Variants in RBBP8 observed in about 807,000 individuals in gnomAD.
RBBP8 encodes RB binding protein 8, endonuclease.
Under a neutral mutation model 108.3 loss-of-function variants are expected in RBBP8, and 88 were observed. That is an observed-to-expected ratio of 0.81 (90% CI 0.68 to 0.97). The LOEUF is 0.97. RBBP8 is among the 50% of genes least tolerant of loss of function. The pLI, the probability that RBBP8 is intolerant of heterozygous loss-of-function variation, is 0.00. For missense variants in RBBP8, 1,023 were observed against 1,049.0 expected, an observed-to-expected ratio of 0.98 and a Z score of 0.34; for synonymous variants, 332 against 348.2, an observed-to-expected ratio of 0.95 and a Z score of 0.52.
At chr18:23,011,602 A>G (rs1028465655) in intron 16 of RBBP8, among the ~76,000 whole-genome samples, 1 of 151,672 alleles carries the variant, frequency 6.6e-6, no homozygotes, top group Non-Finnish European at 1.5e-5. Flanking sequence ...ACGCCTGGCT[A>G]ATTTTTTTGT....
chr18:22,949,720 C>T lies in RBBP8; in HGVS notation c.248+7C>T, dbSNP rs765469466. On this transcript the variant is annotated splice_region_variant and intron_variant, in intron 4 of 18. Transcript: ENST00000327155. ...TTAAAGTTTTAGAAGATCGGTGAGT[C>T]TGGCACTTAGGTCTTGAGTAAGAAG... The T allele has an allele frequency of 6.3e-7, 1 of 1,586,836 alleles. No individual in the cohort carries two copies. Among genetic ancestry groups the T allele is most frequent in the Admixed American group, 1.7e-5 (1 of 59,976 alleles).
chr18:22,936,842 A>G lies in RBBP8; in HGVS notation c.-10A>G. The G allele has an allele frequency of 1.2e-6, 2 of 1,614,112 alleles. No homozygotes were observed. The highest frequency in any genetic ancestry group is 1.7e-6 in the Non-Finnish European group (2 of 1,179,988). On this transcript the variant is annotated 5_prime_UTR_variant, in exon 2 of 19. It adds an upstream start codon to the 5' untranslated region. Coordinates refer to ENST00000327155, the MANE Select transcript of RBBP8 (RefSeq NM_002894.3). ...TTAAGCAAGTAGAAGTGTGGAGCAT[A>G]TTAAGCAAGATGAACATCTCGGGAA...
At position 22,956,947 on chromosome 18, in the gene RBBP8, G is replaced by A. The variant is rs145629051; in HGVS notation, c.248+7234G>A. 4.1e-4 allele frequency among the ~76,000 whole-genome samples: 62 copies of A among 152,180 alleles called. No homozygotes were observed. The East Asian group carries it at 7.7e-3, about 19-fold the overall frequency. On this transcript the variant is annotated intron_variant, in intron 4 of 18. Coordinates refer to ENST00000327155, the MANE Select transcript of RBBP8 (RefSeq NM_002894.3). Reference sequence around the variant, plus strand: ...ACTGTGCTGGAGAAGTAGATAGAACGCATTTTTTTTGAAAATCTGAACAAA... The same window carrying A: ...ACTGTGCTGGAGAAGTAGATAGAACACATTTTTTTTGAAAATCTGAACAAA...
intron 6 of RBBP8, among the ~76,000 whole-genome samples, chr18:22,976,967 A>G (rs1246969653): frequency 6.6e-6 from 1 of 152,110 alleles, no homozygotes; most frequent in Non-Finnish European, 1.5e-5. Flanking sequence ...TCCTGTTGAA[A>G]TTCAAATTTT....
intron 4 of RBBP8, among the ~76,000 whole-genome samples, chr18:22,958,192 T>G (rs1912752165): frequency 6.6e-6 from 1 of 152,212 alleles, no homozygotes; most frequent in South Asian, 2.1e-4. Flanking sequence ...CTTTTTTGTA[T>G]TTTGTTTATA....
chr18:23,016,604 T>C (rs2046259253), intron 16 of RBBP8, among the ~76,000 whole-genome samples: 1 of 152,184 alleles, frequency 6.6e-6, no homozygotes, highest in Non-Finnish European at 1.5e-5. Flanking sequence ...TACACTGAAT[T>C]TGCAGGTCAC....
intron 3 of RBBP8, chr18:22,920,834 GTAGATCC>G (rs1909566759): frequency 6.6e-6 from 1 of 152,134 alleles, no homozygotes; most frequent in Non-Finnish European, 1.5e-5. Context: ...TCTCTGGTTG[GTAGATCC>G]TAGGAGAGCA....
At chr18:23,020,514 G>A (rs1242058306) in intron 17 of RBBP8, among the ~76,000 whole-genome samples, 1 of 151,980 alleles carries the variant, frequency 6.6e-6, no homozygotes, top group Non-Finnish European at 1.5e-5. Flanking sequence ...CAGTTCCCAT[G>A]TACCTCTGTC....
At chr18:22,932,962 A>C (rs1294557756), upstream of RBBP8, among the ~76,000 whole-genome samples, 1 of 152,240 alleles carries the variant, frequency 6.6e-6, no homozygotes, top group East Asian at 1.9e-4. Context: ...AAACTATGTT[A>C]GACGGATCCG....
At position 22,982,304 on chromosome 18, in the gene RBBP8, G is replaced by C; in HGVS notation, c.515G>C (p.Gly172Ala). ...CCGATAACAGCCTTCTCATTTTCTG[G>C]CGTTAACCGGCTACGAAGAAAGGAG... ...DSPITAFSFS[G>A]VNRLRRKENP... The change falls in exon 7 of 19, where the codon GGC (glycine) becomes GCC (alanine). Residue 172 changes from glycine to alanine, a missense_variant. Gly to Ala is a moderately conservative substitution (Grantham distance 60). Transcript: ENST00000327155. 6.2e-7 allele frequency: 1 copy of C among 1,614,102 alleles called. No individual in the cohort carries two copies.
chr18:22,970,301 G>A (rs1261439070), intron 5 of RBBP8, among the ~76,000 whole-genome samples: 4 of 152,044 alleles, frequency 2.6e-5, no homozygotes, highest in Admixed American at 2.6e-4. Context: ...ATTATTGTTA[G>A]TACTACTGGA....
chr18:23,004,369 C>T (rs775447590), intron 15 of RBBP8, among the ~76,000 whole-genome samples: 2 of 151,990 alleles, frequency 1.3e-5, no homozygotes, highest in African/African-American at 2.4e-5. Context: ...GTGCAAACAT[C>T]GATGAGCTTG....
intron 4 of RBBP8, among the ~76,000 whole-genome samples, chr18:22,957,303 T>TC (rs1477688978): frequency 1.4e-4 from 21 of 148,682 alleles, no homozygotes; most frequent in Non-Finnish European, 8.9e-5. Context: ...TTTTTTTTTT[T>TC]TTTTTTTTGC....
At chr18:23,016,769 TG>T in intron 16 of RBBP8, 58 bp from the exon 17 acceptor site, 1 of 1,210,456 alleles carries the variant, frequency 8.3e-7, no homozygotes, top group African/African-American at 1.5e-5. Context: ...ATGAATGTTT[TG>T]GGGATTATTT....
chr18:22,978,249 G>A (rs1914631268), intron 6 of RBBP8, among the ~76,000 whole-genome samples: 1 of 152,182 alleles, frequency 6.6e-6, no homozygotes, highest in Non-Finnish European at 1.5e-5. Context: ...TTTGACAGGA[G>A]TTTAAGAGGG....
At chr18:22,944,615 T>C (rs1435790487) in intron 2 of RBBP8, among the ~76,000 whole-genome samples, 1 of 152,228 alleles carries the variant, frequency 6.6e-6, no homozygotes, top group African/African-American at 2.4e-5. Flanking sequence ...CAATACAGGT[T>C]TATCTGTAAC....
chr18:22,945,876 A>G (rs1173209773), intron 2 of RBBP8, among the ~76,000 whole-genome samples: 1 of 152,132 alleles, frequency 6.6e-6, no homozygotes, highest in East Asian at 1.9e-4. Context: ...CCTTCCTTGC[A>G]GTTTCAATGC....
intron 3 of RBBP8, among the ~76,000 whole-genome samples, chr18:22,925,348 C>T (rs1013218367): frequency 1.3e-5 from 2 of 152,074 alleles, no homozygotes; most frequent in Admixed American, 6.5e-5. Flanking sequence ...AAGTACTGAA[C>T]GTTGAACATA....
chr18:22,982,348 A>G lies in RBBP8; in HGVS notation c.559A>G (p.Ile187Val), dbSNP rs759775858. ...AAAGGAGAACCCCCATGTCCGATAC[A>G]TAGAACAAACACATACTAAATTGGA... ...RRKENPHVRY[I>V]EQTHTKLEHS... is the part of the protein sequence containing the mutation. Residue 187 changes from isoleucine (I) to valine (V), a missense_variant, in exon 7 of 19, where the codon ATA becomes GTA. Ile to Val is a conservative substitution (Grantham distance 29). Coordinates refer to ENST00000327155, the MANE Select transcript of RBBP8 (RefSeq NM_002894.3). The G allele has an allele frequency of 1.9e-6, 3 of 1,614,188 alleles. No individual in the cohort carries two copies. The highest frequency in any genetic ancestry group is 1.1e-5 in the South Asian group (1 of 91,082).
Sources: gnomAD v4.1 joint callset for allele counts (sites outside exome capture counted in the v4.1 genomes callset) on GRCh38, gnomAD v4.1.1 for gene constraint, MANE v1.5 for transcripts, NCBI Gene and HGNC (gene_info 2026-07-23, HGNC 2026-07-21) for gene names.